The following NCAM2 variants were observed in gnomAD, a reference collection of about 807,000 sequenced individuals.
NCAM2 encodes the protein neural cell adhesion molecule 2.
NCAM2 carries 30 observed loss-of-function variants against 98.1 expected under a neutral mutation model. That is an observed-to-expected ratio of 0.31 (90% CI 0.23 to 0.41). The LOEUF is 0.41. Among genes scored for constraint, NCAM2 ranks in the 10% least tolerant of loss-of-function variants. The pLI is 1.00. For missense variants in NCAM2, 867 were observed against 1,005.8 expected, an observed-to-expected ratio of 0.86 and a Z score of 1.87; for synonymous variants, 368 against 342.4, an observed-to-expected ratio of 1.07 and a Z score of -0.83.
chr21:21,192,931 G>A (rs1358479937), intron 1 of NCAM2, among the ~76,000 whole-genome samples: 1 of 152,170 alleles, frequency 6.6e-6, no homozygotes. Context: ...AAGGGGAGTA[G>A]AGTGATAGAC....
At chr21:21,277,849 G>T (rs962272895) in intron 1 of NCAM2, among the ~76,000 whole-genome samples, 1 of 151,968 alleles carries the variant, frequency 6.6e-6, no homozygotes, top group African/African-American at 2.4e-5. Context: ...AAATATATTG[G>T]ATTAAAATTA....
intron 1 of NCAM2, among the ~76,000 whole-genome samples, chr21:21,148,565 C>T (rs191962953): frequency 6.6e-6 from 1 of 152,294 alleles, no homozygotes; most frequent in Admixed American, 6.5e-5. Flanking sequence ...ACCTTAAGAA[C>T]AGACATCTTC....
chr21:21,045,535 C>T (rs1000385206), intron 1 of NCAM2, among the ~76,000 whole-genome samples: 1 of 152,076 alleles, frequency 6.6e-6, no homozygotes, highest in African/African-American at 2.4e-5. Flanking sequence ...TGTCGTCTCA[C>T]CTACTCGGAA....
chr21:21,009,628 T>C (rs928396409), intron 1 of NCAM2, among the ~76,000 whole-genome samples: 1 of 151,980 alleles, frequency 6.6e-6, no homozygotes, highest in Admixed American at 6.6e-5. Context: ...TTAGATATGG[T>C]CAATAGTAAA....
At chr21:21,213,301 A>T (rs963517416) in intron 1 of NCAM2, among the ~76,000 whole-genome samples, 8 of 152,178 alleles carry the variant, frequency 5.3e-5, no homozygotes, top group Admixed American at 2.0e-4. Context: ...CTAAGTTTTA[A>T]GGGGGCAACT....
At position 21,284,178 on chromosome 21, in the gene NCAM2, C is replaced by T; in HGVS notation, c.131-16C>T. The T allele has an allele frequency of 1.3e-6, 2 of 1,587,244 alleles. No homozygotes were observed. The highest frequency in any genetic ancestry group is 2.2e-5 in the East Asian group (1 of 44,630). ...TTAACAATTTTCAAACCTTTATTTT[C>T]CATGGCTCTTTGCAGCGATTGGTGA... is the stretch of plus-strand genomic sequence containing the variant. On this transcript the variant is annotated splice_polypyrimidine_tract_variant and intron_variant, in intron 2 of 17. Transcript: ENST00000400546.
At chr21:21,447,673 A>G (rs983396990) in intron 12 of NCAM2, among the ~76,000 whole-genome samples, 3 of 152,190 alleles carry the variant, frequency 2.0e-5, no homozygotes, top group Admixed American at 6.5e-5. Flanking sequence ...TCCATAATTT[A>G]CAAGGAACTT....
chr21:21,351,101 G>A (rs1393103288), intron 8 of NCAM2, among the ~76,000 whole-genome samples: 3 of 109,798 alleles, frequency 2.7e-5, no homozygotes, highest in African/African-American at 7.3e-5. Context: ...GAGACAGAGA[G>A]AGCGAGACTC....
chr21:21,271,701 A>C (rs1190187540), intron 1 of NCAM2, among the ~76,000 whole-genome samples: 1 of 152,214 alleles, frequency 6.6e-6, no homozygotes, highest in Non-Finnish European at 1.5e-5. Context: ...AGTTGAGAAA[A>C]AGGAAAGAGT....
intron 9 of NCAM2, among the ~76,000 whole-genome samples, chr21:21,391,189 G>C (rs960185512): frequency 6.6e-6 from 1 of 151,844 alleles, no homozygotes; most frequent in African/African-American, 2.4e-5. Flanking sequence ...CCCATCTCAA[G>C]TAATAATAGT....
chr21:21,071,911 C>A (rs1474154530), intron 1 of NCAM2, among the ~76,000 whole-genome samples: 5 of 143,882 alleles, frequency 3.5e-5, no homozygotes, highest in Non-Finnish European at 6.1e-5. Context: ...ATCTATCTAT[C>A]TATCTATCTA....
intron 1 of NCAM2, among the ~76,000 whole-genome samples, chr21:21,046,078 C>A (rs1364280694): frequency 6.6e-6 from 1 of 152,102 alleles, no homozygotes; most frequent in Admixed American, 6.6e-5. Flanking sequence ...TGCTTAAATC[C>A]AAGTATGGGC....
intron 8 of NCAM2, 52 bp downstream of exon 8, chr21:21,338,586 T>A: frequency 6.8e-7 from 1 of 1,466,152 alleles, no homozygotes; most frequent in Non-Finnish European, 9.1e-7. Context: ...ATTTCAGTAT[T>A]TTCAATATCA....
At chr21:21,468,026 C>T (rs1402080364) in intron 13 of NCAM2, among the ~76,000 whole-genome samples, 5 of 151,968 alleles carry the variant, frequency 3.3e-5, no homozygotes. Flanking sequence ...GATCCCTGTT[C>T]TATTCAAAAC....
intron 12 of NCAM2, among the ~76,000 whole-genome samples, chr21:21,444,402 G>C (rs901442065): frequency 3.3e-5 from 5 of 152,178 alleles, no homozygotes; most frequent in Non-Finnish European, 5.9e-5. Context: ...GTTTCAGATA[G>C]AATGGTACCA....
intron 1 of NCAM2, among the ~76,000 whole-genome samples, chr21:21,225,572 G>T (rs1484597977): frequency 6.6e-6 from 1 of 151,444 alleles, no homozygotes; most frequent in African/African-American, 2.4e-5. Flanking sequence ...CTTATTACAG[G>T]GGTCAGAATA....
At position 21,432,296 on chromosome 21, in the gene NCAM2, T is replaced by A. The variant is rs780251059; in HGVS notation, c.1654+15T>A. 2 of 1,610,126 alleles carry A rather than the reference T, an allele frequency of 1.2e-6. No individual in the cohort carries two copies. Among genetic ancestry groups the A allele is most frequent in the Non-Finnish European group, 1.7e-6 (2 of 1,177,092 alleles). On this transcript the variant is annotated intron_variant, in intron 12 of 17. Transcript: ENST00000400546. ...TGGAGTTCAAAGTGAGTCAACAATT[T>A]CAAAATGTGTTGGTTAATTCAAGCT...
intron 5 of NCAM2, among the ~76,000 whole-genome samples, chr21:21,322,821 A>G (rs1443971773): frequency 6.6e-6 from 1 of 152,148 alleles, no homozygotes; most frequent in Non-Finnish European, 1.5e-5. Context: ...ATAAAAGGTA[A>G]ATCAGTCTGT....
intron 1 of NCAM2, among the ~76,000 whole-genome samples, chr21:21,278,163 C>A (rs1400487659): frequency 1.3e-5 from 2 of 151,518 alleles, no homozygotes; most frequent in Admixed American, 1.3e-4. Flanking sequence ...AATTTCCCCT[C>A]CCTTTTTTTT....
Sources: allele counts gnomAD v4.1 joint callset (sites outside exome capture counted in the v4.1 genomes callset), GRCh38; gene constraint gnomAD v4.1.1; transcripts MANE v1.5; gene names NCBI Gene and HGNC (gene_info 2026-07-23, HGNC 2026-07-21).